The following SND1 variants were observed in gnomAD, a reference collection of about 807,000 sequenced individuals.
The protein encoded by SND1 is staphylococcal nuclease domain-containing protein 1.
In SND1, 38 loss-of-function variants were observed where a neutral mutation model predicts 121.7. That is an observed-to-expected ratio of 0.31 (90% CI 0.24 to 0.41). The LOEUF (loss-of-function observed/expected upper bound fraction) is 0.41, where lower values mean the gene tolerates loss of function less well. Ranked by LOEUF, SND1 falls within the 10% of genes least tolerant of loss-of-function variation. The pLI is 1.00. For missense variants in SND1, 868 were observed against 1,184.6 expected (o/e 0.73, Z 3.92); for synonymous variants, 401 against 447.4 (o/e 0.90, Z 1.31).
rs376872797 is a variant in SND1 at position 127,804,671 on chromosome 7, C to T, written c.1153-2813C>T. Among the ~76,000 whole-genome samples the T allele has an allele frequency of 1.7e-4, 25 of 151,476 alleles. No homozygotes were observed. In the South Asian group the frequency reaches 1.9e-3, roughly 11 times the overall value. Reference sequence around the variant, plus strand: ...TTATAGTCCTAGCTACTCAGGAGGCCGAGATGGGAGGACTGCCTGAAGCCA... The same window carrying T: ...TTATAGTCCTAGCTACTCAGGAGGCTGAGATGGGAGGACTGCCTGAAGCCA... On this transcript the variant is annotated intron_variant, in intron 10 of 23. Coordinates refer to ENST00000354725, the MANE Select transcript of SND1 (RefSeq NM_014390.4).
intron 16 of SND1, chr7:128,031,752 C>A (rs975411058): frequency 1.4e-5 from 2 of 145,400 alleles, no homozygotes; most frequent in African/African-American, 4.9e-5. Flanking sequence ...GCGGCGGCCG[C>A]AGCCCCCGGC....
At position 127,996,019 on chromosome 7, in the gene SND1, G is replaced by A. The variant is rs1172925883; in HGVS notation, c.1779+4963G>A. Among the ~76,000 whole-genome samples the A allele has an allele frequency of 2.0e-5, 3 of 152,002 alleles. No individual in the cohort carries two copies. In the East Asian group the frequency reaches 5.8e-4, roughly 29 times the overall value. ...AGCTGAAAACTCAGGCTGCTGCCTT[G>A]ACCTATTTCCCTTCTCCCTGCTGGC... On this transcript the variant is annotated intron_variant, in intron 16 of 23. Coordinates refer to ENST00000354725, the MANE Select transcript of SND1 (RefSeq NM_014390.4).
At chr7:128,070,410 C>A (rs750150809) in intron 16 of SND1, among the ~76,000 whole-genome samples, 1 of 152,210 alleles carries the variant, frequency 6.6e-6, no homozygotes, top group Non-Finnish European at 1.5e-5. Context: ...TGCTCTCATA[C>A]GAAGCCTGCT....
chr7:127,839,110 C>A (rs374213071), intron 11 of SND1, among the ~76,000 whole-genome samples: 1 of 152,172 alleles, frequency 6.6e-6, no homozygotes, highest in Non-Finnish European at 1.5e-5. Context: ...GTGTTCTTAT[C>A]GAGCCTATGT....
intron 14 of SND1, among the ~76,000 whole-genome samples, chr7:127,917,492 G>T (rs532708466): frequency 6.6e-6 from 1 of 152,152 alleles, no homozygotes; most frequent in African/African-American, 2.4e-5. Flanking sequence ...GTTTTTGTTT[G>T]TTTTCTACCC....
intron 15 of SND1, among the ~76,000 whole-genome samples, chr7:127,968,112 C>G (rs143563530): frequency 6.6e-6 from 1 of 152,248 alleles, no homozygotes; most frequent in Non-Finnish European, 1.5e-5. Flanking sequence ...CATTTCCTCT[C>G]TCTCCTTTTC....
chr7:127,762,676 C>T (rs1797325965), intron 10 of SND1, among the ~76,000 whole-genome samples: 1 of 152,226 alleles, frequency 6.6e-6, no homozygotes, highest in Non-Finnish European at 1.5e-5. Context: ...ATCTTTATCT[C>T]TGCAACTATG....
chr7:127,925,639 T>C (rs1800813719), intron 14 of SND1, among the ~76,000 whole-genome samples: 1 of 151,782 alleles, frequency 6.6e-6, no homozygotes, highest in Non-Finnish European at 1.5e-5. Context: ...AGTTTCACTT[T>C]TGTCACCCAG....
chr7:127,922,255 G>A (rs555445559), intron 14 of SND1, among the ~76,000 whole-genome samples: 14 of 130,182 alleles, frequency 1.1e-4, no homozygotes, highest in South Asian at 1.0e-3. Flanking sequence ...TCTAACTCCC[G>A]GGCTCAAGCA....
intron 10 of SND1, among the ~76,000 whole-genome samples, chr7:127,725,811 C>A (rs182992499): frequency 6.6e-6 from 1 of 152,078 alleles, no homozygotes; most frequent in Non-Finnish European, 1.5e-5. Context: ...GAGGGAAAGT[C>A]TGTGGCATGG....
chr7:128,074,728 C>A, intron 17 of SND1, 38 bp downstream of exon 17: 1 of 1,552,740 alleles, frequency 6.4e-7, no homozygotes, highest in East Asian at 2.4e-5. Flanking sequence ...CCCTGCCCTC[C>A]CGTCCTCCTC....
intron 12 of SND1, among the ~76,000 whole-genome samples, chr7:127,880,491 T>G (rs1799769655): frequency 6.6e-6 from 1 of 152,150 alleles, no homozygotes; most frequent in Non-Finnish European, 1.5e-5. Context: ...GACTAAAATA[T>G]ATTGCAGGCT....
intron 12 of SND1, among the ~76,000 whole-genome samples, chr7:127,874,426 G>T (rs140262247): frequency 4.9e-4 from 75 of 152,194 alleles, no homozygotes; most frequent in Non-Finnish European, 9.7e-4. Context: ...ACCCTTTGAG[G>T]TTACTGACTT....
intron 11 of SND1, among the ~76,000 whole-genome samples, chr7:127,815,056 A>G (rs1798407853): frequency 6.6e-6 from 1 of 152,136 alleles, no homozygotes; most frequent in East Asian, 1.9e-4. Flanking sequence ...CTTTTACCTG[A>G]GCAGTTATCT....
rs34812649 is a variant in SND1, at chr7:128,000,368, C to CTTT, written c.1779+9327_1779+9329dup. On this transcript the variant is annotated intron_variant, in intron 16 of 23. Coordinates refer to ENST00000354725, the MANE Select transcript of SND1 (RefSeq NM_014390.4). Reference sequence around the variant, plus strand: ...GTGTGAGCTTGCTTTGCTTTTGCTTCTTTTTTTTTTTTTTTTTGAGACAGG... The same window carrying CTTT: ...GTGTGAGCTTGCTTTGCTTTTGCTTCTTTTTTTTTTTTTTTTTTTTGAGACAGG... Among the ~76,000 whole-genome samples the CTTT allele has an allele frequency of 1.2e-3, 161 of 135,170 alleles. 3 individuals are homozygous for CTTT. Among genetic ancestry groups the CTTT allele is most frequent in the African/African-American group, 4.0e-3 (144 of 35,768 alleles). 88.7% of individuals were successfully genotyped at this position (135,170 alleles called of 152,430 possible).
At chr7:128,064,221 C>A (rs1023219708) in intron 16 of SND1, among the ~76,000 whole-genome samples, 2 of 152,022 alleles carry the variant, frequency 1.3e-5, no homozygotes, top group Non-Finnish European at 2.9e-5. Context: ...TAAAAAAAAA[C>A]CCACTCTAGA....
At chr7:127,855,019 T>A (rs1170203101) in intron 12 of SND1, among the ~76,000 whole-genome samples, 8 of 152,048 alleles carry the variant, frequency 5.3e-5, no homozygotes, top group Admixed American at 5.2e-4. Context: ...GAGTGCTTTT[T>A]TTTTTTTTTA....
rs545789931 is a variant in SND1, at chr7:127,955,141, G to A, written c.1669+25812G>A. Among the ~76,000 whole-genome samples, 22 of 152,214 alleles carry A rather than the reference G, an allele frequency of 1.4e-4. No homozygotes were observed. In the South Asian group the frequency reaches 3.7e-3, roughly 26 times the overall value. On this transcript the variant is annotated intron_variant, in intron 15 of 23. Coordinates refer to ENST00000354725, the MANE Select transcript of SND1 (RefSeq NM_014390.4). Reference sequence around the variant, plus strand: ...CATGCAGCTTCTCTGTGTGGGTGACGTCCACATAAGGAGAATGCCTTATTT... The same window carrying A: ...CATGCAGCTTCTCTGTGTGGGTGACATCCACATAAGGAGAATGCCTTATTT...
intron 10 of SND1, among the ~76,000 whole-genome samples, chr7:127,740,915 ATAAAG>A (rs1305163859): frequency 6.6e-6 from 1 of 152,256 alleles, no homozygotes; most frequent in Non-Finnish European, 1.5e-5. Context: ...TAAGACTTAT[ATAAAG>A]TAATCATATT....
Sources: gnomAD v4.1 joint callset for allele counts (sites outside exome capture counted in the v4.1 genomes callset) on GRCh38, gnomAD v4.1.1 for gene constraint, MANE v1.5 for transcripts, NCBI Gene and HGNC (gene_info 2026-07-23, HGNC 2026-07-21) for gene names.